The following PIK3CB variants were observed in gnomAD, a reference collection of about 807,000 sequenced individuals.
PIK3CB encodes phosphatidylinositol 4,5-bisphosphate 3-kinase catalytic subunit beta isoform.
In PIK3CB, 39 loss-of-function variants were observed where a neutral mutation model predicts 136.8. That is an observed-to-expected ratio of 0.29 (90% CI 0.22 to 0.37). PIK3CB has a LOEUF of 0.37. Among genes scored for constraint, PIK3CB ranks in the 10% least tolerant of loss-of-function variants. PIK3CB has a pLI of 1.00. For missense variants in PIK3CB, 868 were observed against 1,275.4 expected, an observed-to-expected ratio of 0.68 and a Z score of 4.87; for synonymous variants, 428 against 436.6, an observed-to-expected ratio of 0.98 and a Z score of 0.25.
intron 4 of PIK3CB, among the ~76,000 whole-genome samples, chr3:138,754,487 C>G (rs1029856227): frequency 1.3e-5 from 2 of 152,042 alleles, no homozygotes; most frequent in African/African-American, 2.4e-5. Context: ...ACAAAACACA[C>G]CTTTGTAGCT....
chr3:138,759,392 A>G lies in PIK3CB; in HGVS notation c.-16-33T>C, dbSNP rs771801740. 1.2e-5 allele frequency: 18 copies of G among 1,461,934 alleles called. No individual in the cohort carries two copies. In the African/African-American group the frequency reaches 2.5e-4, roughly 20 times the overall value. 90.6% of individuals were successfully genotyped at this position (1,461,934 alleles called of 1,614,324 possible). On this transcript the variant is annotated intron_variant, in intron 2 of 23. Transcript: ENST00000674063. ...TCAGTAATTAAAACATAGCAAAACAACCATCAGCCAAATTTTATACCAAGA... is the reference window on the plus strand; with the variant it reads ...TCAGTAATTAAAACATAGCAAAACAGCCATCAGCCAAATTTTATACCAAGA...
Position 138,792,829 on chromosome 3 carries a change from G to A in PIK3CB, c.-17+3634C>T, listed in dbSNP as rs576101903. 2.6e-3 allele frequency among the ~76,000 whole-genome samples: 400 copies of A among 152,246 alleles called. 5 individuals carry two copies. The highest frequency in any genetic ancestry group is 8.8e-3 in the African/African-American group (366 of 41,536). Reference sequence around the variant, plus strand: ...GTCATACTCTGTTGCCCAGACTGGAGTGCAGTGGTCCAATTACAGCTCACT... The same window carrying A: ...GTCATACTCTGTTGCCCAGACTGGAATGCAGTGGTCCAATTACAGCTCACT... On this transcript the variant is annotated intron_variant, in intron 2 of 23. Coordinates refer to ENST00000674063, the MANE Select transcript of PIK3CB (RefSeq NM_006219.3).
chr3:138,693,249 A>G lies in PIK3CB; in HGVS notation c.1892+1537T>C, dbSNP rs139536021. 3.3e-5 allele frequency among the ~76,000 whole-genome samples: 5 copies of G among 151,994 alleles called. No individual in the cohort carries two copies. In the East Asian group the frequency reaches 9.7e-4, roughly 30 times the overall value. ...GCTGGGACCACAGGTGCGCACCTCC[A>G]CGCCCAGCTAATGTCTCTGTATTTT... On this transcript the variant is annotated intron_variant, in intron 14 of 23. Transcript: ENST00000674063.
chr3:138,799,358 T>A (rs542101919), intron 1 of PIK3CB, among the ~76,000 whole-genome samples: 1 of 151,996 alleles, frequency 6.6e-6, no homozygotes, highest in East Asian at 1.9e-4. Flanking sequence ...TTTTTGTATA[T>A]TTAGTAGAGA....
intron 8 of PIK3CB, among the ~76,000 whole-genome samples, chr3:138,722,710 A>T (rs1025764673): frequency 6.6e-5 from 10 of 151,846 alleles, no homozygotes; most frequent in African/African-American, 2.4e-4. Context: ...AAAAAACCCA[A>T]AAAACCCTGA....
At chr3:138,808,648 C>T (rs1340625827) in intron 1 of PIK3CB, among the ~76,000 whole-genome samples, 1 of 151,760 alleles carries the variant, frequency 6.6e-6, no homozygotes, top group South Asian at 2.1e-4. Flanking sequence ...CATGCCACTG[C>T]ACTCTAGCAT....
In PIK3CB at chr3:138,761,547, G is replaced by A. The variant is rs556992747; in HGVS notation, c.-16-2188C>T. ...AGCACTTTGGGAGGCCAAGGCAGGT[G>A]GATCACAAGGTCAGGAGTTCGAGGC... On this transcript the variant is annotated intron_variant, in intron 2 of 23. Coordinates refer to ENST00000674063, the MANE Select transcript of PIK3CB (RefSeq NM_006219.3). Among the ~76,000 whole-genome samples, 6 of 152,314 alleles carry A rather than the reference G, an allele frequency of 3.9e-5. No individual in the cohort carries two copies. In the East Asian group the frequency reaches 5.8e-4, roughly 15 times the overall value.
rs1444213658 is a variant in PIK3CB at position 138,834,899 on chromosome 3, C to G, written c.-326G>C. 1 of 151,000 alleles carries G rather than the reference C, an allele frequency of 6.6e-6. No homozygotes were observed. Among genetic ancestry groups the G allele is most frequent in the East Asian group, 1.9e-4 (1 of 5,188 alleles). The allele number at this position is 151,000 out of a possible 1,614,324, so 9.4% of individuals were successfully genotyped here. ...GCCGCACAGGCCGACAGAGCACGCGCGCGCCGCCGCCGAACCCGCGCCCGT... is the reference window on the plus strand; with the variant it reads ...GCCGCACAGGCCGACAGAGCACGCGGGCGCCGCCGCCGAACCCGCGCCCGT... On this transcript the variant is annotated 5_prime_UTR_variant, in exon 1 of 24. Coordinates refer to ENST00000674063, the MANE Select transcript of PIK3CB (RefSeq NM_006219.3).
At chr3:138,803,629 G>A (rs1444974609) in intron 1 of PIK3CB, among the ~76,000 whole-genome samples, 3 of 152,182 alleles carry the variant, frequency 2.0e-5, no homozygotes, top group African/African-American at 7.2e-5. Flanking sequence ...GGATGAGGCT[G>A]GGGCAAGGTG....
At chr3:138,810,787 G>T (rs1351531088) in intron 1 of PIK3CB, among the ~76,000 whole-genome samples, 3 of 152,094 alleles carry the variant, frequency 2.0e-5, no homozygotes, top group African/African-American at 7.2e-5. Context: ...GGGCATGGTG[G>T]CAGGCGCCTG....
intron 11 of PIK3CB, among the ~76,000 whole-genome samples, chr3:138,705,105 T>C (rs2044335748): frequency 1.5e-5 from 2 of 134,580 alleles, no homozygotes. Flanking sequence ...CTAAAATCTC[T>C]ATCCCAAACT....
At chr3:138,720,657 A>G (rs2044706204) in intron 8 of PIK3CB, among the ~76,000 whole-genome samples, 1 of 152,176 alleles carries the variant, frequency 6.6e-6, no homozygotes, top group Middle Eastern at 3.2e-3. Context: ...CCTTGAGCGC[A>G]GGAGTTCAAG....
chr3:138,695,931 A>ATTTTTTTTTTTTT (rs34470924), intron 13 of PIK3CB, among the ~76,000 whole-genome samples: 15 of 90,810 alleles, frequency 1.7e-4, no homozygotes, highest in African/African-American at 5.8e-4. Flanking sequence ...AATTTTTTGT[A>ATTTTTTTTTTTTT]TTTTTTTTTT....
At chr3:138,747,604 A>C (rs2045386557) in intron 4 of PIK3CB, among the ~76,000 whole-genome samples, 1 of 138,856 alleles carries the variant, frequency 7.2e-6, no homozygotes, top group African/African-American at 2.5e-5. Flanking sequence ...ATGGTTGTCT[A>C]AATGTCTGTG....
At chr3:138,721,167 G>GTT (rs34357500) in intron 8 of PIK3CB, among the ~76,000 whole-genome samples, 2 of 146,410 alleles carry the variant, frequency 1.4e-5, no homozygotes, top group Non-Finnish European at 1.5e-5. Context: ...ATATCCTTAA[G>GTT]TTTTTTTTTT....
chr3:138,753,483 T>C (rs1247128977), intron 4 of PIK3CB, among the ~76,000 whole-genome samples: 1 of 152,142 alleles, frequency 6.6e-6, no homozygotes, highest in Admixed American at 6.5e-5. Flanking sequence ...ATTGCACCAC[T>C]GCACTCCAGT....
intron 9 of PIK3CB, among the ~76,000 whole-genome samples, chr3:138,713,595 C>T (rs749290858): frequency 1.3e-5 from 2 of 151,926 alleles, no homozygotes; most frequent in African/African-American, 4.8e-5. Context: ...CGCTTGATCC[C>T]GGGAGGCGGA....
At chr3:138,686,636 C>T (rs943589057) in intron 16 of PIK3CB, among the ~76,000 whole-genome samples, 3 of 151,820 alleles carry the variant, frequency 2.0e-5, no homozygotes, top group Admixed American at 1.3e-4. Flanking sequence ...AAAAGTATAC[C>T]GTAACAAGCA....
intron 4 of PIK3CB, among the ~76,000 whole-genome samples, chr3:138,747,455 T>G (rs2045383720): frequency 6.6e-6 from 1 of 152,232 alleles, no homozygotes; most frequent in Non-Finnish European, 1.5e-5. Flanking sequence ...CTCACAACAC[T>G]TAACCTCACC....
Sources: allele counts gnomAD v4.1 joint callset (sites outside exome capture counted in the v4.1 genomes callset), GRCh38; gene constraint gnomAD v4.1.1; transcripts MANE v1.5; gene names NCBI Gene and HGNC (gene_info 2026-07-23, HGNC 2026-07-21).